The following WBP2 variants were observed in gnomAD, a reference collection of about 807,000 sequenced individuals.
WBP2 encodes WW domain-binding protein 2.
WBP2 carries 23 observed loss-of-function variants against 33.0 expected under a neutral mutation model. The ratio of observed to expected loss-of-function variants is 0.70; its 90% CI spans 0.50 to 0.99. WBP2 has a LOEUF of 0.99. WBP2 is among the 50% of genes least tolerant of loss of function. WBP2 has a pLI of 0.00. For missense variants in WBP2, 353 were observed against 358.0 expected, an observed-to-expected ratio of 0.99 and a Z score of 0.11; for synonymous variants, 153 against 133.5, an observed-to-expected ratio of 1.15 and a Z score of -1.01.
intron 1 of WBP2, 128 bp downstream of exon 1, chr17:75,855,111 G>T: frequency 5.3e-6 from 1 of 189,622 alleles, no homozygotes; most frequent in South Asian, 6.5e-5. Flanking sequence ...GCCCCCAGCC[G>T]TTCCCCACCA....
At chr17:75,851,279 C>T in intron 2 of WBP2, 1 of 304,342 alleles carries the variant, frequency 3.3e-6, no homozygotes, top group Non-Finnish European at 6.5e-6. Flanking sequence ...GTCTGGCCTC[C>T]AGGCCCAAGT....
In WBP2 at chr17:75,847,931, C is replaced by A. The variant is rs371563261; in HGVS notation, c.398-1G>T. Reference sequence around the variant, plus strand: ...CCACTGGGGACTTCACCTCTGGAGGCTACGAGTACAAGGGGAAAGAGAAAT... The same window carrying A: ...CCACTGGGGACTTCACCTCTGGAGGATACGAGTACAAGGGGAAAGAGAAAT... On this transcript the variant is annotated splice_acceptor_variant, in intron 4 of 7. Coordinates refer to ENST00000254806, the MANE Select transcript of WBP2 (RefSeq NM_012478.4). LOFTEE classifies it high-confidence loss of function. The A allele has an allele frequency of 3.8e-6, 6 of 1,563,928 alleles. No individual in the cohort carries two copies. Among genetic ancestry groups the A allele is most frequent in the Non-Finnish European group, 5.2e-6 (6 of 1,154,380 alleles).
chr17:75,850,687 G>A (rs1052819219), intron 2 of WBP2, among the ~76,000 whole-genome samples: 1 of 152,028 alleles, frequency 6.6e-6, no homozygotes, highest in Non-Finnish European at 1.5e-5. Context: ...TCTTCCAGCT[G>A]TCTTTGAGTC....
In WBP2 at chr17:75,846,500, G is replaced by A; in HGVS notation, c.*234C>T. ...CGTGCTCCCAGAAGAGCCCCAGACG[G>A]TGAGGGAGGTACGCTGGGCAGCACT... On this transcript the variant is annotated 3_prime_UTR_variant, in exon 8 of 8. Transcript: ENST00000254806. The surrounding 1 kb of genome is among the most constrained non-coding windows in gnomAD (Gnocchi z 4.8). 3.4e-6 allele frequency: 2 copies of A among 587,864 alleles called. No homozygotes were observed. The highest frequency in any genetic ancestry group is 4.0e-5 in the South Asian group (2 of 50,490). 36.4% of individuals were successfully genotyped at this position (587,864 alleles called of 1,614,324 possible). A position where few individuals can be genotyped will look rare whatever the true frequency, so the allele number is the denominator to read the frequency against.
Position 75,853,977 on chromosome 17 carries a change from G to A in WBP2, c.59+1262C>T, listed in dbSNP as rs866745094. Among the ~76,000 whole-genome samples, 4 of 148,798 alleles carry A rather than the reference G, an allele frequency of 2.7e-5. No individual in the cohort carries two copies. In the Middle Eastern group the frequency reaches 0.01, roughly 380 times the overall value. On this transcript the variant is annotated intron_variant, in intron 1 of 7. Transcript: ENST00000254806. ...GGATAATCGCTTGAACCCAGGAGGC[G>A]GAGGTTGCAGTGAGCTGAGATCGTG...
At position 75,851,774 on chromosome 17, in the gene WBP2, C is replaced by G. The variant is rs563102887; in HGVS notation, c.60-98G>C. On this transcript the variant is annotated intron_variant, in intron 1 of 7. Coordinates refer to ENST00000254806, the MANE Select transcript of WBP2 (RefSeq NM_012478.4). Reference sequence around the variant, plus strand: ...TCTCCCAAGCAGCTGCCCGGCACGTCAGCTCTCATAACCTCTCAATAGTGC... The same window carrying G: ...TCTCCCAAGCAGCTGCCCGGCACGTGAGCTCTCATAACCTCTCAATAGTGC... The G allele has an allele frequency of 1.8e-5, 16 of 875,920 alleles. No homozygotes were observed. In the African/African-American group the frequency reaches 2.5e-4, roughly 14 times the overall value. The allele number at this position is 875,920 out of a possible 1,614,324, so 54.3% of individuals were successfully genotyped here. A position where few individuals can be genotyped will look rare whatever the true frequency, so the allele number is the denominator to read the frequency against.
chr17:75,855,414 CT>C, upstream of WBP2: 3 of 1,161,766 alleles, frequency 2.6e-6, no homozygotes, highest in South Asian at 3.7e-5. Context: ...AGTGCGGAGG[CT>C]GGCCCAAACA....
rs2064991593 is a variant in WBP2 at position 75,846,417 on chromosome 17, G to A, written c.*317C>T. 4.6e-6 allele frequency: 2 copies of A among 435,536 alleles called. No homozygotes were observed. Among genetic ancestry groups the A allele is most frequent in the Admixed American group, 4.0e-5 (1 of 25,134 alleles). The allele number at this position is 435,536 out of a possible 1,614,324, so 27.0% of individuals were successfully genotyped here. The stretch of plus-strand genomic sequence containing the variant: ...GGAGCTGGACTGCGGTGGAGGAGGT[G>A]GCCAGAGAGTCCCTTCGAGGGGAGA... On this transcript the variant is annotated 3_prime_UTR_variant, in exon 8 of 8. Transcript: ENST00000254806. The surrounding 1 kb of genome is among the most constrained non-coding windows in gnomAD (Gnocchi z 4.8).
rs565373744 is a variant in WBP2, at chr17:75,847,623, G to A, written c.533-14C>T. 2 of 1,612,868 alleles carry A rather than the reference G, an allele frequency of 1.2e-6. No individual in the cohort carries two copies. The highest frequency in any genetic ancestry group is 2.2e-5 in the East Asian group (1 of 44,870). The stretch of plus-strand genomic sequence containing the variant: ...CTGGATAGAACTCTGCTCGGTGAGA[G>A]AGTAACAAGGACATGGTGAGCACCC... On this transcript the variant is annotated splice_polypyrimidine_tract_variant and intron_variant, in intron 5 of 7. Transcript: ENST00000254806.
intron 1 of WBP2, 80 bp downstream of exon 1, chr17:75,855,159 T>TGCCCCCCC: frequency 2.1e-6 from 2 of 964,064 alleles, no homozygotes; most frequent in African/African-American, 2.0e-5. Flanking sequence ...AGGGGCTTAT[T>TGCCCCCCC]CCCCACCACC....
Position 75,846,776 on chromosome 17 carries a change from C to T in WBP2, c.744G>A (p.Pro248=), listed in dbSNP as rs760295889. The part of the protein sequence containing the change: ...HNVYMPTSQP[P]PPPYYPPEDK... ...CTTCCGGTGGGTAGTAGGGAGGTGGCGGCGGCTGGCTCTAAAGAAGGGAGA... is the reference window on the plus strand; with the variant it reads ...CTTCCGGTGGGTAGTAGGGAGGTGGTGGCGGCTGGCTCTAAAGAAGGGAGA... The change falls in exon 8 of 8, where the codon CCG becomes CCA. Residue 248 remains proline, a synonymous_variant. Coordinates refer to ENST00000254806, the MANE Select transcript of WBP2 (RefSeq NM_012478.4). The surrounding 1 kb of genome is among the most constrained non-coding windows in gnomAD (Gnocchi z 4.8). The T allele has an allele frequency of 1.2e-5, 18 of 1,548,608 alleles. No homozygotes were observed. The East Asian group carries it at 1.2e-4, about 10-fold the overall frequency.
At chr17:75,852,901 T>A in intron 1 of WBP2, 1 of 640,894 alleles carries the variant, frequency 1.6e-6, no homozygotes, top group Non-Finnish European at 1.9e-6. Context: ...CCTGGGTTCT[T>A]AAGCGGGGTT....
At chr17:75,855,841 C>T (rs1482072712), upstream of WBP2, among the ~76,000 whole-genome samples, 2 of 152,248 alleles carry the variant, frequency 1.3e-5, no homozygotes, top group Non-Finnish European at 2.9e-5. Flanking sequence ...GCATGCGTGA[C>T]TCTGGGGCGT....
chr17:75,855,716 C>T (rs535863227), upstream of WBP2, among the ~76,000 whole-genome samples: 1 of 152,360 alleles, frequency 6.6e-6, no homozygotes, highest in African/African-American at 2.4e-5. Context: ...GGGACTCCGG[C>T]AGCGCGTTAA....
chr17:75,851,953 A>C (rs931553021), intron 1 of WBP2: 1 of 238,768 alleles, frequency 4.2e-6, no homozygotes, highest in African/African-American at 2.2e-5. Flanking sequence ...AATACAAAAA[A>C]ATTAGCCAGG....
intron 1 of WBP2, among the ~76,000 whole-genome samples, chr17:75,853,154 C>T (rs1426969249): frequency 6.6e-6 from 1 of 152,214 alleles, no homozygotes; most frequent in Non-Finnish European, 1.5e-5. Context: ...TCAAGCGATT[C>T]TCCTGTCTCA....
At chr17:75,847,074 G>C in intron 6 of WBP2, 90 bp from the exon 7 acceptor site, 1 of 1,449,186 alleles carries the variant, frequency 6.9e-7, no homozygotes. Context: ...GCTCGGGGCA[G>C]CTGGTGCTGG....
chr17:75,856,285 G>A (rs1023948530), upstream of WBP2: 1 of 152,306 alleles, frequency 6.6e-6, no homozygotes, highest in Non-Finnish European at 1.5e-5. Flanking sequence ...CCGTGAGGCG[G>A]AGAGAGGGGG....
In WBP2 at chr17:75,849,802, G is replaced by A. The variant is rs935652199; in HGVS notation, c.169-63C>T. 1.4e-5 allele frequency: 23 copies of A among 1,589,804 alleles called. 1 individual carries two copies. Among genetic ancestry groups the A allele is most frequent in the Middle Eastern group, 2.1e-4 (1 of 4,768 alleles). On this transcript the variant is annotated intron_variant, in intron 2 of 7. Transcript: ENST00000254806. ...CACAGCCCACGCTGCCATGCTTCCC[G>A]CCTGCTTCCTGGGAGTGACGAATCC...
Sources: allele counts gnomAD v4.1 joint callset (sites outside exome capture counted in the v4.1 genomes callset), GRCh38; gene constraint gnomAD v4.1.1; non-coding constraint Gnocchi (gnomAD v3.1); transcripts MANE v1.5; gene names NCBI Gene and HGNC (gene_info 2026-07-23, HGNC 2026-07-21).